Variants in C9orf78 observed in about 807,000 individuals in gnomAD.
The protein encoded by C9orf78 is splicing factor C9orf78.
In C9orf78, 19 loss-of-function variants were observed where a neutral mutation model predicts 37.4. The observed-to-expected ratio is 0.51, with a 90% CI of 0.35 to 0.74. C9orf78 has a LOEUF of 0.74. Among genes scored for constraint, C9orf78 ranks in the 30% least tolerant of loss-of-function variants. C9orf78 has a pLI of 0.01. For missense variants in C9orf78, 291 were observed against 370.8 expected, an observed-to-expected ratio of 0.78 and a Z score of 1.77; for synonymous variants, 130 against 128.0, an observed-to-expected ratio of 1.02 and a Z score of -0.10.
intron 6 of C9orf78, chr9:129,830,618 A>G (rs902582638): frequency 2.2e-6 from 1 of 447,640 alleles, no homozygotes; most frequent in Admixed American, 3.5e-5. Context: ...GGTTCAAGCA[A>G]TTTCCTGCCT....
chr9:129,832,623 G>C (rs1175236394), intron 4 of C9orf78, among the ~76,000 whole-genome samples: 1 of 152,110 alleles, frequency 6.6e-6, no homozygotes, highest in African/African-American at 2.4e-5. Context: ...ATTTTTAATA[G>C]CGACAGTGTT....
At chr9:129,831,780 G>A (rs2031503822) in intron 5 of C9orf78, 116 bp downstream of exon 5, 1 of 733,790 alleles carries the variant, frequency 1.4e-6, no homozygotes, top group South Asian at 1.5e-5. Flanking sequence ...AGAAAGAGAG[G>A]GGCCAACTTT....
chr9:129,829,085 G>A (rs1407527891), intron 8 of C9orf78, 120 bp downstream of exon 8: 4 of 736,928 alleles, frequency 5.4e-6, no homozygotes, highest in Non-Finnish European at 9.8e-6. Flanking sequence ...AGCATGGACT[G>A]GAACCCATAT....
chr9:129,829,586 T>A lies in C9orf78; in HGVS notation c.543-45A>T. On this transcript the variant is annotated intron_variant, in intron 6 of 8. Transcript: ENST00000372447. ...ACACCACTTAGAAGATGATAGCACC[T>A]TACTACTCAGACATGAGTGGTGAGG... 3 of 1,582,368 alleles carry A rather than the reference T, an allele frequency of 1.9e-6. No individual in the cohort carries two copies. The East Asian group carries it at 6.7e-5, about 36-fold the overall frequency.
chr9:129,833,546 A>G, intron 3 of C9orf78, 29 bp from the exon 4 acceptor site: 1 of 1,547,492 alleles, frequency 6.5e-7, no homozygotes, highest in Non-Finnish European at 8.9e-7. Flanking sequence ...GTTAAGAGGA[A>G]GCATCTAAAT....
In C9orf78 at chr9:129,828,152, C is replaced by G. The variant is rs732074; in HGVS notation, c.*9G>C. The stretch of plus-strand genomic sequence containing the variant: ...AGGAAGGCGATATTTACATCCCACT[C>G]TGCACAACTCAGTACCGCCTATTCA... On this transcript the variant is annotated 3_prime_UTR_variant, in exon 9 of 9. Transcript: ENST00000372447. The G allele has an allele frequency of 0.24, 357,331 of 1,497,994 alleles. 43,465 individuals are homozygous for G. The highest frequency in any genetic ancestry group is 0.27 in the South Asian group (23,849 of 88,720). 92.8% of individuals were successfully genotyped at this position (1,497,994 alleles called of 1,614,324 possible). A position where few individuals can be genotyped will look rare whatever the true frequency, so the allele number is the denominator to read the frequency against.
intron 4 of C9orf78, among the ~76,000 whole-genome samples, chr9:129,832,248 A>C (rs947844914): frequency 1.3e-5 from 2 of 152,198 alleles, no homozygotes; most frequent in Non-Finnish European, 2.9e-5. Context: ...CAAGGATACC[A>C]AAATCTGCAG....
chr9:129,828,909 G>A (rs919273304), intron 8 of C9orf78: 12 of 468,618 alleles, frequency 2.6e-5, no homozygotes, highest in Non-Finnish European at 4.3e-5. Flanking sequence ...CTTATGAGTA[G>A]CTTTTATTTG....
intron 5 of C9orf78, 30 bp from the exon 6 acceptor site, chr9:129,831,098 A>T: frequency 5.2e-5 from 72 of 1,395,474 alleles, no homozygotes; most frequent in Middle Eastern, 2.3e-4. Flanking sequence ...GGCCTCAGGG[A>T]GGGGTGGGAA....
chr9:129,833,972 T>G (rs72755243), intron 2 of C9orf78: 7,337 of 450,082 alleles, frequency 0.016, 172 homozygotes, highest in South Asian at 0.06. Flanking sequence ...TATCTTGGCC[T>G]GGAAATCTCA....
At chr9:129,835,070 G>A (rs1348598144) in intron 1 of C9orf78, 69 bp downstream of exon 1, 2 of 1,219,306 alleles carry the variant, frequency 1.6e-6, no homozygotes, top group African/African-American at 1.5e-5. Context: ...GCGAAGCGCC[G>A]AGCCGGTGGT....
At chr9:129,829,365 A>G in intron 7 of C9orf78, 40 bp downstream of exon 7, 1 of 1,605,802 alleles carries the variant, frequency 6.2e-7, no homozygotes, top group South Asian at 1.1e-5. Flanking sequence ...CTCAGCCCAA[A>G]TAGGGGAATG....
Position 129,832,305 on chromosome 9 carries a change from TAC to T in C9orf78, c.267-334_267-333del, listed in dbSNP as rs376560286. Among the ~76,000 whole-genome samples the T allele has an allele frequency of 2.5e-3, 385 of 152,288 alleles. 2 individuals carry two copies. Among genetic ancestry groups the T allele is most frequent in the African/African-American group, 9.0e-3 (372 of 41,554 alleles). On this transcript the variant is annotated intron_variant, in intron 4 of 8. Coordinates refer to ENST00000372447, the MANE Select transcript of C9orf78 (RefSeq NM_016520.3). ...AATAGTATAATATCTGCATCTAACC[TAC>T]ACACACACTACCATCTGCTTTAAAT...
At chr9:129,834,923 CGGGAGTCAGAGCCACT>C in intron 1 of C9orf78, 157 bp from the exon 2 acceptor site, 2 of 688,704 alleles carry the variant, frequency 2.9e-6, no homozygotes, top group South Asian at 3.5e-5. Context: ...CTAGACCCAC[CGGGAGTCAGAGCCACT>C]GCGCATCCCG....
intron 6 of C9orf78, 112 bp from the exon 7 acceptor site, chr9:129,829,653 G>T: frequency 1.1e-6 from 1 of 873,226 alleles, no homozygotes. Flanking sequence ...GTGTCCTGGG[G>T]CACAGCTCTC....
intron 6 of C9orf78, 89 bp from the exon 7 acceptor site, chr9:129,829,630 A>G (rs977260447): frequency 7.6e-6 from 9 of 1,178,344 alleles, no homozygotes; most frequent in African/African-American, 6.1e-5. Context: ...CCAGCAGTAC[A>G]TAAGAAAATC....
intron 4 of C9orf78, among the ~76,000 whole-genome samples, chr9:129,833,017 A>ATATG (rs2031545691): frequency 2.0e-5 from 3 of 148,302 alleles, no homozygotes; most frequent in Admixed American, 6.7e-5. Flanking sequence ...GTGTGTGTGT[A>ATATG]TATGTGTATA....
rs1338651083 is a variant in C9orf78, at chr9:129,834,630, A to G, written c.143+77T>C. The G allele has an allele frequency of 5.1e-6, 5 of 977,218 alleles. No homozygotes were observed. The East Asian group carries it at 7.1e-5, about 14-fold the overall frequency. 60.5% of individuals were successfully genotyped at this position (977,218 alleles called of 1,614,324 possible). ...AAGAGAAAAATCTACGTCTGAGGAG[A>G]TATTTGTGACAGCGACCCGGACGCG... On this transcript the variant is annotated intron_variant, in intron 2 of 8. Transcript: ENST00000372447.
intron 4 of C9orf78, 39 bp from the exon 5 acceptor site, chr9:129,832,012 C>G: frequency 1.1e-6 from 1 of 914,004 alleles, no homozygotes; most frequent in Non-Finnish European, 1.8e-6. Flanking sequence ...TTTCAAGTCA[C>G]AACTCAATGA....
Sources: allele counts gnomAD v4.1 joint callset (sites outside exome capture counted in the v4.1 genomes callset), GRCh38; gene constraint gnomAD v4.1.1; transcripts MANE v1.5; gene names NCBI Gene and HGNC (gene_info 2026-07-23, HGNC 2026-07-21).